SMYD3: variants seen among roughly 807,000 people sequenced by gnomAD.
The protein encoded by SMYD3 is SET and MYND domain containing 3.
SMYD3 carries 36 observed loss-of-function variants against 57.7 expected under a neutral mutation model. That is an observed-to-expected ratio of 0.62 (90% CI 0.48 to 0.82). The LOEUF (loss-of-function observed/expected upper bound fraction) is 0.82, where lower values mean the gene tolerates loss of function less well. SMYD3 is among the 40% of genes least tolerant of loss of function. The probability of loss-of-function intolerance (pLI) is 0.00; values close to 1 mark genes in which losing one functional copy is unlikely to be tolerated. For missense variants in SMYD3, 515 were observed against 538.8 expected (o/e 0.96, Z 0.44); for synonymous variants, 211 against 195.0 (o/e 1.08, Z -0.68).
At chr1:246,022,172 C>T (rs908833481) in intron 5 of SMYD3, among the ~76,000 whole-genome samples, 26 of 152,328 alleles carry the variant, frequency 1.7e-4, no homozygotes, top group Admixed American at 1.4e-3. Context: ...ACATCAGTCC[C>T]TCTACAGAGA....
At chr1:246,080,480 G>A (rs893145967) in intron 5 of SMYD3, among the ~76,000 whole-genome samples, 5 of 152,018 alleles carry the variant, frequency 3.3e-5, no homozygotes, top group African/African-American at 1.2e-4. Context: ...CCTCCTCACC[G>A]CCCCATCCAT....
intron 8 of SMYD3, among the ~76,000 whole-genome samples, chr1:245,877,474 G>C (rs2052549212): frequency 6.6e-6 from 1 of 152,228 alleles, no homozygotes; most frequent in South Asian, 2.1e-4. Context: ...TACACTTGCA[G>C]GTGGGAGGGA....
intron 1 of SMYD3, among the ~76,000 whole-genome samples, chr1:246,411,045 G>T (rs891081925): frequency 8.6e-5 from 13 of 151,516 alleles, no homozygotes; most frequent in Non-Finnish European, 1.9e-4. Flanking sequence ...GCATCTATTT[G>T]ATTCTTCTCT....
chr1:246,284,485 C>A (rs564366939), intron 5 of SMYD3, among the ~76,000 whole-genome samples: 3 of 151,026 alleles, frequency 2.0e-5, no homozygotes, highest in Non-Finnish European at 4.4e-5. Context: ...GGCTTGATCT[C>A]GGCTCACTGC....
intron 10 of SMYD3, among the ~76,000 whole-genome samples, chr1:245,808,887 C>T (rs887799827): frequency 2.0e-5 from 3 of 152,068 alleles, no homozygotes; most frequent in Non-Finnish European, 2.9e-5. Flanking sequence ...CTCAGCCTCC[C>T]GAACAGCTGA....
intron 5 of SMYD3, among the ~76,000 whole-genome samples, chr1:246,156,289 G>A (rs773465770): frequency 4.6e-5 from 7 of 152,100 alleles, no homozygotes; most frequent in Non-Finnish European, 8.8e-5. Flanking sequence ...AAACAACAAC[G>A]TGAAGATTTT....
intron 10 of SMYD3, among the ~76,000 whole-genome samples, chr1:245,774,857 C>T (rs1213749635): frequency 5.3e-5 from 8 of 152,210 alleles, no homozygotes; most frequent in African/African-American, 1.9e-4. Context: ...TGCACCGCCA[C>T]GCCTGACGGG....
chr1:245,842,368 G>T (rs938187918), intron 10 of SMYD3, among the ~76,000 whole-genome samples: 1 of 152,124 alleles, frequency 6.6e-6, no homozygotes, highest in African/African-American at 2.4e-5. Context: ...TTCCATAATT[G>T]ATTTTCGGCC....
intron 1 of SMYD3, among the ~76,000 whole-genome samples, chr1:246,463,304 C>A (rs565707863): frequency 6.6e-6 from 1 of 152,258 alleles, no homozygotes; most frequent in African/African-American, 2.4e-5. Context: ...GAGAAACATT[C>A]TACTGCTGAA....
intron 5 of SMYD3, among the ~76,000 whole-genome samples, chr1:246,210,133 G>A (rs1277504568): frequency 1.3e-5 from 2 of 152,110 alleles, no homozygotes; most frequent in African/African-American, 2.4e-5. Flanking sequence ...CTGGAAATAG[G>A]TAACAGACCT....
chr1:246,260,034 C>T (rs367798443), intron 5 of SMYD3, among the ~76,000 whole-genome samples: 22 of 152,278 alleles, frequency 1.4e-4, no homozygotes, highest in South Asian at 1.0e-3. Context: ...ACTGCTGAAC[C>T]AGGCAAGCAG....
chr1:245,930,202 A>G (rs550139208), intron 5 of SMYD3: 4 of 508,484 alleles, frequency 7.9e-6, no homozygotes, highest in Admixed American at 2.7e-5. Flanking sequence ...CAGAGGAACC[A>G]TTAATTTCAG....
intron 1 of SMYD3, among the ~76,000 whole-genome samples, chr1:246,495,801 A>G (rs1017509240): frequency 6.6e-6 from 1 of 151,636 alleles, no homozygotes; most frequent in Non-Finnish European, 1.5e-5. Flanking sequence ...AAAAAAAAAA[A>G]ATTAGCCAGG....
At chr1:246,299,117 C>G (rs1382798702) in intron 5 of SMYD3, among the ~76,000 whole-genome samples, 1 of 152,012 alleles carries the variant, frequency 6.6e-6, no homozygotes, top group Admixed American at 6.6e-5. Flanking sequence ...TATGTAAAAA[C>G]CAGTTTCATA....
chr1:245,893,074 T>A (rs1215490477), intron 8 of SMYD3, among the ~76,000 whole-genome samples: 1 of 152,144 alleles, frequency 6.6e-6, no homozygotes, highest in Non-Finnish European at 1.5e-5. Context: ...AACAGATATA[T>A]CAACAATTAA....
chr1:245,791,605 C>T (rs549573685), intron 10 of SMYD3, among the ~76,000 whole-genome samples: 4 of 129,568 alleles, frequency 3.1e-5, no homozygotes, highest in Admixed American at 8.8e-5. Context: ...GGGGAGAGGA[C>T]GGGAGAAAGA....
At chr1:246,076,341 T>C (rs1283863607) in intron 5 of SMYD3, among the ~76,000 whole-genome samples, 2 of 152,344 alleles carry the variant, frequency 1.3e-5, no homozygotes, top group Non-Finnish European at 1.5e-5. Context: ...TTAGCCAGCA[T>C]TCTTCAGTGT....
At chr1:245,848,562 C>T (rs1558417753) in intron 10 of SMYD3, among the ~76,000 whole-genome samples, 1 of 152,008 alleles carries the variant, frequency 6.6e-6, no homozygotes, top group South Asian at 2.1e-4. Context: ...GCACCAACCA[C>T]CACCACGCCC....
intron 5 of SMYD3, among the ~76,000 whole-genome samples, chr1:246,082,809 A>G (rs4320753): frequency 0.29 from 44,717 of 151,602 alleles, 8,967 homozygotes; most frequent in African/African-American, 0.55. Flanking sequence ...TTAATCTGTG[A>G]CCTTACCCCC....
Sources: allele counts gnomAD v4.1 joint callset (sites outside exome capture counted in the v4.1 genomes callset), GRCh38; gene constraint gnomAD v4.1.1; transcripts MANE v1.5; gene names NCBI Gene and HGNC (gene_info 2026-07-23, HGNC 2026-07-21).